Variants in CCDC60 observed in about 807,000 individuals in gnomAD.
The protein encoded by CCDC60 is coiled-coil domain-containing protein 60.
CCDC60 carries 54 observed loss-of-function variants against 63.5 expected under a neutral mutation model. The ratio of observed to expected loss-of-function variants is 0.85; its 90% CI spans 0.68 to 1.07. The LOEUF is 1.07. Among genes scored for constraint, CCDC60 ranks in the 50% least tolerant of loss-of-function variants. The pLI is 0.00. For synonymous variants in CCDC60, 206 were observed against 238.8 expected (o/e 0.86, Z 1.27); for missense variants, 651 against 684.3 (o/e 0.95, Z 0.54).
chr12:119,519,890 G>A (rs534543877), intron 8 of CCDC60, among the ~76,000 whole-genome samples: 26 of 152,090 alleles, frequency 1.7e-4, no homozygotes, highest in African/African-American at 6.3e-4. Flanking sequence ...ACCTGTGTGT[G>A]TGATCTAAAT....
chr12:119,483,003 G>A (rs1951359867), intron 4 of CCDC60, among the ~76,000 whole-genome samples: 2 of 152,144 alleles, frequency 1.3e-5, no homozygotes, highest in Non-Finnish European at 2.9e-5. Flanking sequence ...AGCCCCTTGA[G>A]GGCAATGACA....
At chr12:119,540,298 G>A (rs1953122209) in intron 13 of CCDC60, among the ~76,000 whole-genome samples, 1 of 152,214 alleles carries the variant, frequency 6.6e-6, no homozygotes, top group African/African-American at 2.4e-5. Context: ...ACAAATGACT[G>A]TTTGAAAAGA....
chr12:119,425,108 C>T (rs1956878803), intron 1 of CCDC60, among the ~76,000 whole-genome samples: 1 of 152,128 alleles, frequency 6.6e-6, no homozygotes, highest in South Asian at 2.1e-4. Flanking sequence ...ACAGACATGA[C>T]CGTGGCATAA....
chr12:119,406,716 T>A (rs933041718), intron 1 of CCDC60, among the ~76,000 whole-genome samples: 14 of 149,778 alleles, frequency 9.3e-5, no homozygotes, highest in South Asian at 2.1e-4. Flanking sequence ...AAATTGGAGC[T>A]GCTTGGTTTT....
At chr12:119,486,084 G>A (rs1160600993) in intron 4 of CCDC60, among the ~76,000 whole-genome samples, 2 of 152,196 alleles carry the variant, frequency 1.3e-5, no homozygotes, top group African/African-American at 2.4e-5. Context: ...CTAGGGTTAT[G>A]GGGAGGGTAT....
At chr12:119,449,716 G>A (rs1440514984) in intron 2 of CCDC60, among the ~76,000 whole-genome samples, 1 of 152,180 alleles carries the variant, frequency 6.6e-6, no homozygotes, top group Non-Finnish European at 1.5e-5. Flanking sequence ...CAGTCTAGTG[G>A]TGGGTGTGGG....
intron 2 of CCDC60, among the ~76,000 whole-genome samples, chr12:119,452,186 T>G (rs550241525): frequency 6.6e-6 from 1 of 152,330 alleles, no homozygotes; most frequent in East Asian, 1.9e-4. Context: ...GGGCGTATCC[T>G]ACACTGATGA....
intron 1 of CCDC60, among the ~76,000 whole-genome samples, chr12:119,371,920 C>G (rs1283256622): frequency 6.6e-6 from 1 of 152,040 alleles, no homozygotes; most frequent in Non-Finnish European, 1.5e-5. Context: ...TCTGGTGATC[C>G]CAGGTGGGAG....
rs1341703329 is a variant in CCDC60 at position 119,406,095 on chromosome 12, C to G, written c.91-22588C>G. ...CTGAGGCAGGAGAATCGCTTGAACC[C>G]GGGAGGCAGAGATTGTGGTGAGCAG... On this transcript the variant is annotated intron_variant, in intron 1 of 13. Transcript: ENST00000327554. 3.9e-5 allele frequency among the ~76,000 whole-genome samples: 6 copies of G among 152,026 alleles called. No homozygotes were observed. The South Asian group carries it at 8.3e-4, about 21-fold the overall frequency.
At chr12:119,418,820 T>C (rs1328000959) in intron 1 of CCDC60, among the ~76,000 whole-genome samples, 1 of 152,206 alleles carries the variant, frequency 6.6e-6, no homozygotes, top group Non-Finnish European at 1.5e-5. Flanking sequence ...TTTCATTTAG[T>C]TGTTGTGTCC....
At chr12:119,425,050 T>A (rs1956877828) in intron 1 of CCDC60, among the ~76,000 whole-genome samples, 1 of 152,178 alleles carries the variant, frequency 6.6e-6, no homozygotes. Context: ...GACATTATCA[T>A]AGTTGTTTCA....
Position 119,524,118 on chromosome 12 carries a change from G to A in CCDC60, c.1229+300G>A, listed in dbSNP as rs370411589. Among the ~76,000 whole-genome samples the A allele has an allele frequency of 8.5e-5, 13 of 152,284 alleles. No individual in the cohort carries two copies. The East Asian group carries it at 1.4e-3, about 16-fold the overall frequency. Reference sequence around the variant, plus strand: ...TCTGGGAAGACCTCTCTGAGGAGGTGACTTTTAGATGAGTCCTGAAGGATG... The same window carrying A: ...TCTGGGAAGACCTCTCTGAGGAGGTAACTTTTAGATGAGTCCTGAAGGATG... On this transcript the variant is annotated intron_variant, in intron 11 of 13. Coordinates refer to ENST00000327554, the MANE Select transcript of CCDC60 (RefSeq NM_178499.5).
intron 6 of CCDC60, 27 bp downstream of exon 6, chr12:119,500,195 T>A (rs779918876): frequency 2.0e-6 from 3 of 1,472,398 alleles, no homozygotes; most frequent in Non-Finnish European, 2.8e-6. Flanking sequence ...GACTCAACCC[T>A]TTGGCTCCTA....
chr12:119,415,207 A>G (rs1315225713), intron 1 of CCDC60, among the ~76,000 whole-genome samples: 1 of 152,228 alleles, frequency 6.6e-6, no homozygotes, highest in African/African-American at 2.4e-5. Context: ...TCCTTATATG[A>G]CAGCCTGCCA....
At chr12:119,528,176 A>G (rs1264203847) in intron 11 of CCDC60, among the ~76,000 whole-genome samples, 1 of 152,120 alleles carries the variant, frequency 6.6e-6, no homozygotes, top group Non-Finnish European at 1.5e-5. Context: ...CATTGGAGAG[A>G]CAGAACATAG....
intron 1 of CCDC60, among the ~76,000 whole-genome samples, chr12:119,416,563 T>C (rs1024605136): frequency 5.9e-5 from 9 of 152,050 alleles, no homozygotes; most frequent in East Asian, 3.9e-4. Flanking sequence ...CACAGAAAAA[T>C]TGGAATCTTT....
At chr12:119,455,376 G>C (rs1383833567) in intron 2 of CCDC60, among the ~76,000 whole-genome samples, 1 of 152,212 alleles carries the variant, frequency 6.6e-6, no homozygotes, top group Non-Finnish European at 1.5e-5. Context: ...TCACCATGTA[G>C]TGTGCTGAGT....
intron 2 of CCDC60, among the ~76,000 whole-genome samples, chr12:119,454,866 CT>C (rs1197335993): frequency 6.6e-6 from 1 of 152,106 alleles, no homozygotes; most frequent in African/African-American, 2.4e-5. Flanking sequence ...ACCTGGGTTC[CT>C]TCTAGGTTTT....
chr12:119,365,266 A>G (rs549794987), intron 1 of CCDC60, among the ~76,000 whole-genome samples: 1 of 152,302 alleles, frequency 6.6e-6, no homozygotes, highest in Non-Finnish European at 1.5e-5. Context: ...AGGAGATGGA[A>G]CAAAAGGGAC....
Sources: allele counts gnomAD v4.1 joint callset (sites outside exome capture counted in the v4.1 genomes callset), GRCh38; gene constraint gnomAD v4.1.1; transcripts MANE v1.5; gene names NCBI Gene and HGNC (gene_info 2026-07-23, HGNC 2026-07-21).